MAP7: variants seen among roughly 807,000 people sequenced by gnomAD.
MAP7 encodes the protein ensconsin.
MAP7 carries 52 observed loss-of-function variants against 94.8 expected under a neutral mutation model. The observed-to-expected ratio is 0.55, with a 90% CI of 0.44 to 0.69. MAP7 has a LOEUF of 0.69. MAP7 is among the 30% of genes least tolerant of loss of function. The probability of loss-of-function intolerance (pLI) is 0.00; values close to 1 mark genes in which losing one functional copy is unlikely to be tolerated. For synonymous variants in MAP7, 350 were observed against 357.0 expected (o/e 0.98, Z 0.22); for missense variants, 940 against 964.6 (o/e 0.97, Z 0.34).
intron 1 of MAP7, among the ~76,000 whole-genome samples, chr6:136,482,975 C>T (rs1048502069): frequency 5.9e-5 from 9 of 151,978 alleles, no homozygotes; most frequent in Non-Finnish European, 1.3e-4. Flanking sequence ...TTTTTTCATT[C>T]TGTACAAGTT....
chr6:136,482,124 A>G (rs1303989440), intron 1 of MAP7, among the ~76,000 whole-genome samples: 1 of 152,216 alleles, frequency 6.6e-6, no homozygotes, highest in Non-Finnish European at 1.5e-5. Context: ...TCAAAAAATA[A>G]CAGACGCTGG....
At chr6:136,457,002 GA>G (rs1160554907) in intron 1 of MAP7, among the ~76,000 whole-genome samples, 3 of 135,528 alleles carry the variant, frequency 2.2e-5, no homozygotes, top group Non-Finnish European at 4.8e-5. Flanking sequence ...AAACACTGGG[GA>G]AAAAAACTCA....
intron 1 of MAP7, among the ~76,000 whole-genome samples, chr6:136,531,976 T>C (rs939304050): frequency 1.3e-5 from 2 of 151,686 alleles, no homozygotes; most frequent in African/African-American, 2.4e-5. Context: ...TAATGAGCTA[T>C]ACTTAGACAG....
intron 1 of MAP7, among the ~76,000 whole-genome samples, chr6:136,482,376 A>T (rs1813119799): frequency 6.6e-6 from 1 of 152,220 alleles, no homozygotes; most frequent in Non-Finnish European, 1.5e-5. Flanking sequence ...AGGAGGGTGG[A>T]TCACCTGAGG....
intron 1 of MAP7, among the ~76,000 whole-genome samples, chr6:136,462,109 T>C (rs1008806887): frequency 3.3e-5 from 5 of 151,610 alleles, no homozygotes; most frequent in African/African-American, 1.2e-4. Context: ...GGTGGGAGGA[T>C]TGCTTACTTG....
At chr6:136,344,355 T>TG in intron 17 of MAP7, 117 bp from the exon 18 acceptor site, 2 of 392,864 alleles carry the variant, frequency 5.1e-6, no homozygotes, top group Non-Finnish European at 8.9e-6. Flanking sequence ...TTATATACAC[T>TG]TATATAAGAA....
chr6:136,381,919 C>CACACACAG (rs373754692), intron 6 of MAP7, among the ~76,000 whole-genome samples: 7,937 of 102,396 alleles, frequency 0.078, 509 homozygotes, highest in African/African-American at 0.11. Context: ...CACACACACA[C>CACACACAG]AGAGAGAGAG....
intron 8 of MAP7, among the ~76,000 whole-genome samples, chr6:136,369,224 C>CA (rs1562321569): frequency 2.0e-5 from 3 of 152,130 alleles, no homozygotes; most frequent in African/African-American, 7.2e-5. Context: ...TAGAGATACT[C>CA]AATTGGTGAA....
chr6:136,477,212 A>G (rs894930164), intron 1 of MAP7, among the ~76,000 whole-genome samples: 1 of 152,202 alleles, frequency 6.6e-6, no homozygotes, highest in African/African-American at 2.4e-5. Flanking sequence ...ATACATGGAG[A>G]ACAAAACATC....
chr6:136,350,879 A>G (rs1788988100), intron 16 of MAP7, among the ~76,000 whole-genome samples: 1 of 152,202 alleles, frequency 6.6e-6, no homozygotes, highest in Non-Finnish European at 1.5e-5. Flanking sequence ...ATAAAACAAA[A>G]TAAAGACAGG....
chr6:136,436,539 C>T (rs1796425984), intron 1 of MAP7, among the ~76,000 whole-genome samples: 1 of 152,048 alleles, frequency 6.6e-6, no homozygotes, highest in African/African-American at 2.4e-5. Context: ...GCCACAACAT[C>T]CAGCTGATAT....
chr6:136,377,773 C>G lies in MAP7; in HGVS notation c.733G>C (p.Ala245Pro). Reference protein sequence around the residue: ...SFLARSKSTAALSGEAASCSP... With the variant: ...SFLARSKSTAPLSGEAASCSP... Reference sequence around the variant, plus strand: ...GTTTTACCTGCTTCTCCAGACAAGGCAGCTGTGCTTTTACTTCTGGCCAGG... The same window carrying G: ...GTTTTACCTGCTTCTCCAGACAAGGGAGCTGTGCTTTTACTTCTGGCCAGG... The change falls in exon 7 of 18, where the codon GCC becomes CCC. Residue 245 changes from alanine to proline, a missense_variant. Transcript: ENST00000354570. 1 of 1,613,996 alleles carries G rather than the reference C, an allele frequency of 6.2e-7. No homozygotes were observed. Among genetic ancestry groups the G allele is most frequent in the Non-Finnish European group, 8.5e-7 (1 of 1,179,878 alleles).
chr6:136,456,045 A>G (rs1802757160), intron 1 of MAP7, among the ~76,000 whole-genome samples: 1 of 152,156 alleles, frequency 6.6e-6, no homozygotes, highest in African/African-American at 2.4e-5. Context: ...CAAAGCCCCA[A>G]GCCTCCACTC....
intron 1 of MAP7, among the ~76,000 whole-genome samples, chr6:136,472,315 T>C (rs761949270): frequency 8.5e-5 from 13 of 152,150 alleles, no homozygotes; most frequent in Non-Finnish European, 1.8e-4. Context: ...AGTCCTATGT[T>C]AGGTTAGAAA....
chr6:136,402,953 A>G (rs1784595684), intron 3 of MAP7, among the ~76,000 whole-genome samples: 1 of 147,914 alleles, frequency 6.8e-6, no homozygotes, highest in Non-Finnish European at 1.5e-5. Context: ...AAAGAAAAAG[A>G]AAAAGAAAGG....
At chr6:136,535,061 C>T (rs1474510056) in intron 1 of MAP7, among the ~76,000 whole-genome samples, 2 of 152,080 alleles carry the variant, frequency 1.3e-5, no homozygotes, top group Admixed American at 6.5e-5. Context: ...AGTTTGGATG[C>T]TTGTCTCCTC....
intron 16 of MAP7, among the ~76,000 whole-genome samples, 162 bp downstream of exon 16, chr6:136,356,530 A>AG (rs1790993900): frequency 6.6e-6 from 1 of 151,982 alleles, no homozygotes; most frequent in Non-Finnish European, 1.5e-5. Context: ...TTGAGAAAAA[A>AG]GATATTTCCA....
chr6:136,467,281 C>A (rs1483655940), intron 1 of MAP7, among the ~76,000 whole-genome samples: 2 of 152,090 alleles, frequency 1.3e-5, no homozygotes, highest in Admixed American at 6.5e-5. Flanking sequence ...CATTTAAAAC[C>A]CTGAAGGTTA....
chr6:136,536,234 G>GT (rs967141511), intron 1 of MAP7, among the ~76,000 whole-genome samples: 1 of 151,956 alleles, frequency 6.6e-6, no homozygotes, highest in African/African-American at 2.4e-5. Flanking sequence ...ATCCAGCAAG[G>GT]TTTTTTTGTT....
Sources: allele counts gnomAD v4.1 joint callset (sites outside exome capture counted in the v4.1 genomes callset), GRCh38; gene constraint gnomAD v4.1.1; transcripts MANE v1.5; gene names NCBI Gene and HGNC (gene_info 2026-07-23, HGNC 2026-07-21).